DLG2: variants seen among roughly 807,000 people sequenced by gnomAD.
The protein encoded by DLG2 is disks large homolog 2.
DLG2 carries 45 observed loss-of-function variants against 132.5 expected under a neutral mutation model. The ratio of observed to expected loss-of-function variants is 0.34; its 90% CI spans 0.27 to 0.44. The LOEUF (loss-of-function observed/expected upper bound fraction) is 0.44, where lower values mean the gene tolerates loss of function less well. Among genes scored for constraint, DLG2 ranks in the 20% least tolerant of loss-of-function variants. The pLI is 1.00. For missense variants in DLG2, 1,045 were observed against 1,196.9 expected (o/e 0.87, Z 1.87); for synonymous variants, 424 against 419.6 (o/e 1.01, Z -0.13).
At chr11:83,890,684 A>G (rs1173641807) in intron 15 of DLG2, among the ~76,000 whole-genome samples, 1 of 152,236 alleles carries the variant, frequency 6.6e-6, no homozygotes, top group Non-Finnish European at 1.5e-5. Context: ...GGGGAAAATA[A>G]AGCAGTGTAT....
intron 6 of DLG2, among the ~76,000 whole-genome samples, chr11:84,825,056 C>T (rs2078168334): frequency 6.6e-6 from 1 of 151,870 alleles, no homozygotes; most frequent in African/African-American, 2.4e-5. Flanking sequence ...CATTAACTCA[C>T]TTCATCACCT....
chr11:85,404,806 TA>T (rs1432427413), intron 3 of DLG2, among the ~76,000 whole-genome samples: 2 of 152,012 alleles, frequency 1.3e-5, no homozygotes, highest in Admixed American at 1.3e-4. Flanking sequence ...AAAACATTTT[TA>T]GTGGTCACTT....
intron 17 of DLG2, among the ~76,000 whole-genome samples, chr11:83,804,748 A>G (rs2045482161): frequency 6.6e-6 from 1 of 152,096 alleles, no homozygotes; most frequent in Non-Finnish European, 1.5e-5. Context: ...AGAGAAAGCA[A>G]ACAAAACTAA....
At chr11:85,540,926 A>G (rs1200382512) in intron 3 of DLG2, among the ~76,000 whole-genome samples, 1 of 152,258 alleles carries the variant, frequency 6.6e-6, no homozygotes, top group Admixed American at 6.5e-5. Context: ...AATACAAATT[A>G]TAATAGTTGG....
At chr11:83,586,630 G>C (rs2097091453) in intron 19 of DLG2, among the ~76,000 whole-genome samples, 1 of 152,186 alleles carries the variant, frequency 6.6e-6, no homozygotes, top group Non-Finnish European at 1.5e-5. Flanking sequence ...GCCACATACT[G>C]TTCTAAGTTT....
intron 6 of DLG2, among the ~76,000 whole-genome samples, chr11:84,918,918 T>C (rs1276592345): frequency 6.6e-6 from 1 of 152,206 alleles, no homozygotes; most frequent in African/African-American, 2.4e-5. Context: ...CTTGAGTACC[T>C]ACTGTGTACT....
chr11:84,534,226 C>G (rs561823020), intron 7 of DLG2, among the ~76,000 whole-genome samples: 2 of 152,110 alleles, frequency 1.3e-5, no homozygotes, highest in African/African-American at 4.8e-5. Context: ...TGTTGGACCA[C>G]GAGTACTGAC....
intron 6 of DLG2, among the ~76,000 whole-genome samples, chr11:84,580,268 A>T (rs2099513301): frequency 6.6e-6 from 1 of 152,178 alleles, no homozygotes; most frequent in South Asian, 2.1e-4. Context: ...ATATGGAGAA[A>T]ATGTATATTA....
chr11:83,716,278 C>G (rs988648872), intron 18 of DLG2, among the ~76,000 whole-genome samples: 1 of 152,160 alleles, frequency 6.6e-6, no homozygotes, highest in African/African-American at 2.4e-5. Context: ...CATTAAGTTA[C>G]AGCTTCAAGC....
chr11:84,958,562 T>G (rs181205296), intron 6 of DLG2, among the ~76,000 whole-genome samples: 2 of 152,308 alleles, frequency 1.3e-5, no homozygotes, highest in Admixed American at 6.5e-5. Context: ...CAATCACCAT[T>G]ATTTCCAGTC....
intron 18 of DLG2, among the ~76,000 whole-genome samples, chr11:83,782,966 T>C (rs2094897578): frequency 6.6e-6 from 1 of 152,108 alleles, no homozygotes; most frequent in Non-Finnish European, 1.5e-5. Context: ...TAATTAAAGG[T>C]TTGACAATAA....
chr11:85,500,691 C>G (rs1398756986), intron 3 of DLG2, among the ~76,000 whole-genome samples: 1 of 152,146 alleles, frequency 6.6e-6, no homozygotes, highest in Non-Finnish European at 1.5e-5. Flanking sequence ...GACTACAGTA[C>G]TTAGGAATAC....
At chr11:84,581,993 T>G (rs2099517742) in intron 6 of DLG2, among the ~76,000 whole-genome samples, 3 of 151,654 alleles carry the variant, frequency 2.0e-5, no homozygotes, top group Non-Finnish European at 4.4e-5. Context: ...GTGTTCATAT[T>G]CACAAATAAA....
intron 6 of DLG2, among the ~76,000 whole-genome samples, chr11:85,084,643 T>C (rs934150156): frequency 1.3e-5 from 2 of 152,170 alleles, no homozygotes; most frequent in Non-Finnish European, 2.9e-5. Context: ...GACTCATAAC[T>C]AGTGAGCAGC....
At chr11:83,890,624 C>T (rs1241968586) in intron 15 of DLG2, among the ~76,000 whole-genome samples, 2 of 152,110 alleles carry the variant, frequency 1.3e-5, no homozygotes, top group South Asian at 2.1e-4. Context: ...ATCTGTAGTC[C>T]TGTCATCATA....
intron 6 of DLG2, among the ~76,000 whole-genome samples, chr11:84,986,548 CA>C (rs2056514725): frequency 6.6e-6 from 1 of 152,096 alleles, no homozygotes; most frequent in Non-Finnish European, 1.5e-5. Flanking sequence ...TAATCGAATC[CA>C]ACAACACATC....
At chr11:84,190,735 A>G (rs2096390645) in intron 8 of DLG2, among the ~76,000 whole-genome samples, 1 of 152,202 alleles carries the variant, frequency 6.6e-6, no homozygotes, top group South Asian at 2.1e-4. Context: ...TTCTGGAGCT[A>G]AAAGGAAAGG....
At chr11:83,575,294 G>A (rs955876036) in intron 19 of DLG2, among the ~76,000 whole-genome samples, 1 of 152,134 alleles carries the variant, frequency 6.6e-6, no homozygotes, top group African/African-American at 2.4e-5. Context: ...AACAAATGAG[G>A]TAACTGCCCC....
chr11:85,488,199 G>C (rs2093474294), intron 3 of DLG2, among the ~76,000 whole-genome samples: 1 of 152,140 alleles, frequency 6.6e-6, no homozygotes, highest in South Asian at 2.1e-4. Flanking sequence ...GACCAGTCTG[G>C]TGAATGTGGT....
Sources: gnomAD v4.1 joint callset for allele counts (sites outside exome capture counted in the v4.1 genomes callset) on GRCh38, gnomAD v4.1.1 for gene constraint, MANE v1.5 for transcripts, NCBI Gene and HGNC (gene_info 2026-07-23, HGNC 2026-07-21) for gene names.